BBS9: variants seen among roughly 807,000 people sequenced by gnomAD.
BBS9 encodes protein PTHB1.
BBS9 carries 89 observed loss-of-function variants against 117.7 expected under a neutral mutation model. The ratio of observed to expected loss-of-function variants is 0.76; its 90% confidence interval spans 0.64 to 0.90. The LOEUF is 0.90. Among genes scored for constraint, BBS9 ranks in the 40% least tolerant of loss-of-function variants. The pLI is 0.00. For synonymous variants in BBS9, 379 were observed against 370.9 expected (o/e 1.02, Z -0.25); for missense variants, 982 against 1,042.2 (o/e 0.94, Z 0.80).
chr7:33,570,942 AC>A (rs886293830), intron 21 of BBS9, among the ~76,000 whole-genome samples: 1 of 152,192 alleles, frequency 6.6e-6, no homozygotes, highest in African/African-American at 2.4e-5. Context: ...AGATATAACA[AC>A]AGATGTGATG....
At chr7:33,331,380 C>T (rs7793719) in intron 9 of BBS9, among the ~76,000 whole-genome samples, 16,947 of 152,128 alleles carry the variant, frequency 0.11, 1,087 homozygotes, top group Non-Finnish European at 0.14. Flanking sequence ...TGTCCACTTC[C>T]ACCACTTTTA....
chr7:33,151,519 C>G (rs1480044288), intron 2 of BBS9, among the ~76,000 whole-genome samples: 1 of 151,880 alleles, frequency 6.6e-6, no homozygotes. Flanking sequence ...TTGAAGTTCC[C>G]AGGATTATAC....
chr7:33,315,097 G>A (rs1000128272), intron 9 of BBS9, among the ~76,000 whole-genome samples: 2 of 152,144 alleles, frequency 1.3e-5, no homozygotes, highest in African/African-American at 4.8e-5. Flanking sequence ...TGGTTTCCTA[G>A]GGCTGCTGTA....
At chr7:33,586,280 C>G (rs896320812) in intron 21 of BBS9, among the ~76,000 whole-genome samples, 8 of 151,750 alleles carry the variant, frequency 5.3e-5, no homozygotes, top group Non-Finnish European at 1.2e-4. Flanking sequence ...GCCAACAAAC[C>G]TGAAAAAATG....
At chr7:33,390,160 C>A in intron 19 of BBS9, 1 of 689,196 alleles carries the variant, frequency 1.5e-6, no homozygotes, top group Non-Finnish European at 1.8e-6. Flanking sequence ...CTGGGGTCTA[C>A]CGTCATCCCT....
intron 19 of BBS9, among the ~76,000 whole-genome samples, chr7:33,449,856 G>A (rs369633630): frequency 6.6e-6 from 1 of 151,990 alleles, no homozygotes; most frequent in African/African-American, 2.4e-5. Flanking sequence ...GCAAACAAAC[G>A]CATAAAGATA....
intron 21 of BBS9, among the ~76,000 whole-genome samples, chr7:33,534,994 C>T: frequency 6.6e-6 from 1 of 152,142 alleles, no homozygotes; most frequent in East Asian, 1.9e-4. Flanking sequence ...CTTTACTTCC[C>T]CGCCCCCATT....
chr7:33,469,949 C>A (rs1840739675), intron 19 of BBS9, among the ~76,000 whole-genome samples: 1 of 152,104 alleles, frequency 6.6e-6, no homozygotes, highest in Non-Finnish European at 1.5e-5. Flanking sequence ...TACTTATGAG[C>A]ACATTTAAGT....
chr7:33,476,275 T>A (rs1264427835), intron 19 of BBS9, among the ~76,000 whole-genome samples: 1 of 152,216 alleles, frequency 6.6e-6, no homozygotes, highest in African/African-American at 2.4e-5. Context: ...TGGATTCCAC[T>A]TGGACTATTT....
intron 9 of BBS9, among the ~76,000 whole-genome samples, chr7:33,320,154 C>A (rs1001606370): frequency 6.6e-6 from 1 of 152,056 alleles, no homozygotes; most frequent in Non-Finnish European, 1.5e-5. Flanking sequence ...TTATTGTTGA[C>A]TTTAGTCACC....
intron 9 of BBS9, among the ~76,000 whole-genome samples, chr7:33,306,734 C>T (rs1808084648): frequency 6.6e-6 from 1 of 152,002 alleles, no homozygotes; most frequent in Non-Finnish European, 1.5e-5. Flanking sequence ...TAAAAGATAG[C>T]TTTTTGAAAA....
At chr7:33,188,266 C>T (rs2128186090) in intron 5 of BBS9, among the ~76,000 whole-genome samples, 1 of 152,188 alleles carries the variant, frequency 6.6e-6, no homozygotes, top group East Asian at 1.9e-4. Flanking sequence ...TTATGGTCTT[C>T]AGTATGGTCT....
chr7:33,340,039 T>C (rs1816183286), intron 10 of BBS9, among the ~76,000 whole-genome samples: 1 of 151,716 alleles, frequency 6.6e-6, no homozygotes. Context: ...TTGTTGATAC[T>C]ATGAATAAAT....
At chr7:33,515,623 A>G (rs756544571) in intron 20 of BBS9, among the ~76,000 whole-genome samples, 1 of 152,192 alleles carries the variant, frequency 6.6e-6, no homozygotes, top group Non-Finnish European at 1.5e-5. Flanking sequence ...TGCTCTCACA[A>G]TAGTCCTACA....
At chr7:33,417,074 C>G (rs963045875) in intron 19 of BBS9, among the ~76,000 whole-genome samples, 3 of 152,152 alleles carry the variant, frequency 2.0e-5, no homozygotes, top group Admixed American at 1.3e-4. Context: ...GATATGCACC[C>G]CAATAGCTAC....
chr7:33,430,181 T>C (rs1453063284), intron 19 of BBS9, among the ~76,000 whole-genome samples: 3 of 152,160 alleles, frequency 2.0e-5, no homozygotes, highest in Admixed American at 1.3e-4. Flanking sequence ...AAGCTAGATA[T>C]GGTCTCCCTA....
At chr7:33,231,222 A>G (rs1583765584) in intron 5 of BBS9, among the ~76,000 whole-genome samples, 1 of 151,694 alleles carries the variant, frequency 6.6e-6, no homozygotes, top group African/African-American at 2.4e-5. Flanking sequence ...CAGGTTGGCC[A>G]TGAACTCCTG....
At chr7:33,422,994 GGGTGACTA>G (rs1833086603) in intron 19 of BBS9, among the ~76,000 whole-genome samples, 1 of 152,084 alleles carries the variant, frequency 6.6e-6, no homozygotes, top group South Asian at 2.1e-4. Flanking sequence ...AGAGAACTTG[GGGTGACTA>G]GGTCAATGAC....
At chr7:33,585,719 G>A (rs1292298740) in intron 21 of BBS9, among the ~76,000 whole-genome samples, 1 of 151,946 alleles carries the variant, frequency 6.6e-6, no homozygotes, top group Non-Finnish European at 1.5e-5. Context: ...ATTGCATCCG[G>A]TTCATCACCC....
Sources: allele counts gnomAD v4.1 joint callset (sites outside exome capture counted in the v4.1 genomes callset), GRCh38; gene constraint gnomAD v4.1.1; transcripts MANE v1.5; gene names NCBI Gene and HGNC (gene_info 2026-07-23, HGNC 2026-07-21).